SLIT3: variants seen among roughly 807,000 people sequenced by gnomAD.
SLIT3 encodes slit guidance ligand 3.
A neutral mutation model predicts 184.0 loss-of-function variants in SLIT3; 68 were observed. That is an observed-to-expected ratio of 0.37 (90% confidence interval 0.30 to 0.45). The LOEUF (loss-of-function observed/expected upper bound fraction) is 0.45, where lower values mean the gene tolerates loss of function less well. Among genes scored for constraint, SLIT3 ranks in the 20% least tolerant of loss-of-function variants. The pLI is 1.00. For missense variants in SLIT3, 1,707 were observed against 2,026.0 expected (o/e 0.84, Z 3.02); for synonymous variants, 831 against 828.6 (o/e 1.00, Z -0.05).
intron 5 of SLIT3, among the ~76,000 whole-genome samples, chr5:168,862,900 C>T (rs1027757086): frequency 2.0e-5 from 3 of 152,160 alleles, no homozygotes; most frequent in Non-Finnish European, 4.4e-5. Context: ...GTCTCGAACC[C>T]CTGACCTCAG....
chr5:169,268,462 C>T (rs750527923), intron 1 of SLIT3, among the ~76,000 whole-genome samples: 1 of 152,192 alleles, frequency 6.6e-6, no homozygotes, highest in African/African-American at 2.4e-5. Context: ...CACTTGCAGG[C>T]GGAACTCTCC....
At chr5:168,773,755 C>T (rs1419291941) in intron 13 of SLIT3, among the ~76,000 whole-genome samples, 1 of 152,018 alleles carries the variant, frequency 6.6e-6, no homozygotes, top group East Asian at 1.9e-4. Context: ...GAAGAGTGCC[C>T]ACCTCAGATG....
chr5:169,005,058 G>A (rs1211065082), intron 4 of SLIT3, among the ~76,000 whole-genome samples: 1 of 152,198 alleles, frequency 6.6e-6, no homozygotes, highest in African/African-American at 2.4e-5. Flanking sequence ...TTTTCCAACA[G>A]CAGGAATACT....
At chr5:168,858,931 G>A (rs1243435050) in intron 5 of SLIT3, among the ~76,000 whole-genome samples, 2 of 152,174 alleles carry the variant, frequency 1.3e-5, no homozygotes, top group African/African-American at 2.4e-5. Flanking sequence ...TGCAAAAGTG[G>A]GTGGCTGCTG....
intron 2 of SLIT3, among the ~76,000 whole-genome samples, chr5:169,246,136 C>G (rs1217970967): frequency 1.3e-5 from 2 of 152,170 alleles, no homozygotes; most frequent in Admixed American, 1.3e-4. Context: ...TACTCACACC[C>G]ACACCCCGCA....
intron 7 of SLIT3, among the ~76,000 whole-genome samples, chr5:168,822,221 T>C (rs1012719612): frequency 1.3e-5 from 2 of 152,208 alleles, no homozygotes; most frequent in African/African-American, 4.8e-5. Context: ...CTTGGAACTT[T>C]CAGTCCAGAT....
rs943558158 is a variant in SLIT3 at position 169,077,321 on chromosome 5, A to G, written c.413+116158T>C. Among the ~76,000 whole-genome samples, 9 of 152,190 alleles carry G rather than the reference A, an allele frequency of 5.9e-5. No individual in the cohort carries two copies. In the South Asian group the frequency reaches 1.9e-3, roughly 32 times the overall value. ...GGGAGGCTGAGGCGGGCGGATCACA[A>G]GGTCAGGAGTTCAAGACCAGCCTGG... On this transcript the variant is annotated intron_variant, in intron 4 of 35. Transcript: ENST00000519560.
intron 1 of SLIT3, among the ~76,000 whole-genome samples, chr5:169,290,898 G>A (rs868069983): frequency 1.8e-4 from 28 of 152,026 alleles, no homozygotes; most frequent in African/African-American, 3.4e-4. Context: ...ACTAGGGCAC[G>A]TGCTAGGGCA....
At chr5:168,845,069 T>G (rs1406124689) in intron 5 of SLIT3, among the ~76,000 whole-genome samples, 7 of 152,038 alleles carry the variant, frequency 4.6e-5, no homozygotes, top group African/African-American at 1.7e-4. Flanking sequence ...AATGCTTTTT[T>G]CCTCTCTCCC....
At chr5:168,966,660 A>T (rs990763773) in intron 4 of SLIT3, among the ~76,000 whole-genome samples, 1 of 152,054 alleles carries the variant, frequency 6.6e-6, no homozygotes, top group Non-Finnish European at 1.5e-5. Context: ...ATTCTGCAAA[A>T]CCTATTTCTG....
intron 4 of SLIT3, among the ~76,000 whole-genome samples, chr5:169,112,883 C>T (rs1022324588): frequency 7.2e-5 from 11 of 152,254 alleles, no homozygotes; most frequent in African/African-American, 2.6e-4. Flanking sequence ...CTACTGCTCT[C>T]GACTTGTCCC....
At chr5:168,711,142 T>C in intron 24 of SLIT3, 84 bp from the exon 25 acceptor site, 2 of 1,302,872 alleles carry the variant, frequency 1.5e-6, no homozygotes, top group East Asian at 2.8e-5. Flanking sequence ...AAATGCATTT[T>C]CAGACTTTGG....
At chr5:168,935,699 G>C (rs1452048656) in intron 4 of SLIT3, among the ~76,000 whole-genome samples, 2 of 152,152 alleles carry the variant, frequency 1.3e-5, no homozygotes, top group Non-Finnish European at 2.9e-5. Flanking sequence ...TTCATAAATA[G>C]GGATATATAG....
chr5:169,173,771 G>C (rs1762886086), intron 4 of SLIT3, among the ~76,000 whole-genome samples: 1 of 152,218 alleles, frequency 6.6e-6, no homozygotes, highest in Non-Finnish European at 1.5e-5. Flanking sequence ...CTGGTACTCT[G>C]GATAGAAGGC....
chr5:168,927,711 G>A (rs1226989132), intron 4 of SLIT3, among the ~76,000 whole-genome samples: 1 of 152,200 alleles, frequency 6.6e-6, no homozygotes, highest in African/African-American at 2.4e-5. Context: ...CTACATCGCA[G>A]GGCCCCCGCC....
At chr5:168,730,970 A>G (rs1763272777) in intron 20 of SLIT3, among the ~76,000 whole-genome samples, 1 of 152,032 alleles carries the variant, frequency 6.6e-6, no homozygotes, top group Non-Finnish European at 1.5e-5. Flanking sequence ...CCAAAAGGAT[A>G]ATACAGAAGA....
chr5:168,910,319 C>T (rs1761211155), intron 4 of SLIT3, among the ~76,000 whole-genome samples: 1 of 152,182 alleles, frequency 6.6e-6, no homozygotes, highest in Non-Finnish European at 1.5e-5. Flanking sequence ...TAGCTCACTC[C>T]AGACATTTAA....
chr5:168,909,079 C>A (rs1002556595), intron 4 of SLIT3, among the ~76,000 whole-genome samples: 14 of 152,236 alleles, frequency 9.2e-5, no homozygotes, highest in African/African-American at 3.4e-4. Context: ...TATGCAGACC[C>A]ATGTCATTCC....
Position 168,724,408 on chromosome 5 carries a change from C to T in SLIT3, c.2339+8G>A, listed in dbSNP as rs1561894939. Reference sequence around the variant, plus strand: ...AATAAACATCCCACCCAATACTGGGCTCCTTACATAAGCGTCAGGTGTCGG... The same window carrying T: ...AATAAACATCCCACCCAATACTGGGTTCCTTACATAAGCGTCAGGTGTCGG... On this transcript the variant is annotated splice_region_variant and intron_variant, in intron 21 of 35. Coordinates refer to ENST00000519560, the MANE Select transcript of SLIT3 (RefSeq NM_003062.4). 4 of 1,611,142 alleles carry T rather than the reference C, an allele frequency of 2.5e-6. No individual in the cohort carries two copies. The highest frequency in any genetic ancestry group is 3.4e-6 in the Non-Finnish European group (4 of 1,178,128).
Sources: gnomAD v4.1 joint callset for allele counts (sites outside exome capture counted in the v4.1 genomes callset) on GRCh38, gnomAD v4.1.1 for gene constraint, MANE v1.5 for transcripts, NCBI Gene and HGNC (gene_info 2026-07-23, HGNC 2026-07-21) for gene names.